Variants in ARHGEF37 observed in about 807,000 individuals in gnomAD.
ARHGEF37 encodes the protein Rho guanine nucleotide exchange factor (GEF) 37.
Under a neutral mutation model 71.1 loss-of-function variants are expected in ARHGEF37, and 55 were observed. The ratio of observed to expected loss-of-function variants is 0.77; its 90% confidence interval spans 0.62 to 0.97. The LOEUF (loss-of-function observed/expected upper bound fraction) is 0.97. Among genes scored for constraint, ARHGEF37 ranks in the 50% least tolerant of loss-of-function variants. The pLI is 0.00. For missense variants in ARHGEF37, 765 were observed against 836.8 expected, an observed-to-expected ratio of 0.91 and a Z score of 1.06; for synonymous variants, 327 against 350.6, an observed-to-expected ratio of 0.93 and a Z score of 0.75.
chr5:149,633,847 T>A lies in ARHGEF37; in HGVS notation c.*1656T>A, dbSNP rs1433390801. The A allele has an allele frequency of 6.6e-6, 1 of 152,210 alleles. No individual in the cohort carries two copies. Among genetic ancestry groups the A allele is most frequent in the East Asian group, 1.9e-4 (1 of 5,204 alleles). 9.4% of individuals were successfully genotyped at this position (152,210 alleles called of 1,614,324 possible). ...GGCCTGTTAAAGCATGAAGACTGCA[T>A]GACACAAGAGAAATGCAAGCCCTAC... On this transcript the variant is annotated 3_prime_UTR_variant, in exon 13 of 13. Coordinates refer to ENST00000333677, the MANE Select transcript of ARHGEF37 (RefSeq NM_001001669.3).
At chr5:149,566,059 T>C (rs1421389434) in intron 1 of ARHGEF37, among the ~76,000 whole-genome samples, 3 of 151,190 alleles carry the variant, frequency 2.0e-5, no homozygotes, top group African/African-American at 7.3e-5. Context: ...TTAGTTAGGC[T>C]CATCACGAAC....
intron 1 of ARHGEF37, among the ~76,000 whole-genome samples, chr5:149,552,596 G>T (rs1762693824): frequency 1.3e-5 from 2 of 152,190 alleles, no homozygotes; most frequent in South Asian, 4.1e-4. Context: ...CCAGCACTTC[G>T]GGAGGCCGGG....
At chr5:149,598,121 C>A (rs945770431) in intron 2 of ARHGEF37, among the ~76,000 whole-genome samples, 166 bp downstream of exon 2, 1 of 152,130 alleles carries the variant, frequency 6.6e-6, no homozygotes, top group East Asian at 1.9e-4. Flanking sequence ...TTTCCTTGGC[C>A]GTGCAACCTC....
Position 149,568,669 on chromosome 5 carries a change from G to A in ARHGEF37, c.-12+16546G>A, listed in dbSNP as rs183678078. ...CTACCAAAAATACAAAAATTAGCTGGGCATGGCAGCATGTGCCTATAATCT... is the reference window on the plus strand; with the variant it reads ...CTACCAAAAATACAAAAATTAGCTGAGCATGGCAGCATGTGCCTATAATCT... On this transcript the variant is annotated intron_variant, in intron 1 of 2. Coordinates refer to the ARHGEF37 transcript ENST00000505810. Among the ~76,000 whole-genome samples the A allele has an allele frequency of 3.2e-3, 487 of 152,022 alleles. 1 individual carries two copies. Among genetic ancestry groups the A allele is most frequent in the Non-Finnish European group, 5.2e-3 (351 of 67,980 alleles).
chr5:149,579,290 C>T (rs923364710), upstream of ARHGEF37, among the ~76,000 whole-genome samples: 7 of 152,188 alleles, frequency 4.6e-5, no homozygotes, highest in Non-Finnish European at 8.8e-5. Context: ...AAGACCCTCA[C>T]CTGGAAACAA....
intron 1 of ARHGEF37, among the ~76,000 whole-genome samples, chr5:149,559,844 T>A (rs1010490018): frequency 3.9e-5 from 6 of 152,218 alleles, no homozygotes; most frequent in Non-Finnish European, 7.3e-5. Flanking sequence ...CTCCCCCCAA[T>A]TTCAAAATCT....
chr5:149,556,210 T>A, intron 1 of ARHGEF37, among the ~76,000 whole-genome samples: 1 of 152,036 alleles, frequency 6.6e-6, no homozygotes. Context: ...TTATTTATTT[T>A]TGAGATGGAG....
At position 149,597,924 on chromosome 5, in the gene ARHGEF37, G is replaced by A; in HGVS notation, c.155G>A (p.Cys52Tyr). Residue 52 changes from cysteine (C) to tyrosine (Y), a missense_variant, in exon 2 of 13, where the codon TGT becomes TAT. Around this residue, in one of 5 missense-constraint regions of ARHGEF37, gnomAD observed 201 missense variants for 217.5 expected, o/e 0.92. Transcript: ENST00000333677. ...TCCTACTTGCACATGCTCCAGCTCT[G>A]TGCCTCTGACATCAGGAGCCGCCTC... The part of the protein sequence containing the change: ...EVSYLHMLQL[C>Y]ASDIRSRLQQ... 2 of 1,601,888 alleles carry A rather than the reference G, an allele frequency of 1.2e-6. No homozygotes were observed. The highest frequency in any genetic ancestry group is 1.7e-6 in the Non-Finnish European group (2 of 1,174,730).
chr5:149,580,004 G>A (rs535611266), upstream of ARHGEF37, among the ~76,000 whole-genome samples: 4 of 152,264 alleles, frequency 2.6e-5, no homozygotes, highest in African/African-American at 9.6e-5. Flanking sequence ...ATACAGGTTA[G>A]GTCTAATCCA....
At chr5:149,602,970 T>A (rs1763800900) in intron 3 of ARHGEF37, among the ~76,000 whole-genome samples, 1 of 152,140 alleles carries the variant, frequency 6.6e-6, no homozygotes, top group Non-Finnish European at 1.5e-5. Flanking sequence ...TCTCGCTCTG[T>A]CACCCAGGCT....
At chr5:149,599,450 T>TTTATTTATTTATTTATTTAC (rs1267049568) in intron 2 of ARHGEF37, among the ~76,000 whole-genome samples, 1 of 152,064 alleles carries the variant, frequency 6.6e-6, no homozygotes, top group Non-Finnish European at 1.5e-5. Context: ...TATTTATTTA[T>TTTATTTATTTATTTATTTAC]TTATTTACAG....
intron 1 of ARHGEF37, among the ~76,000 whole-genome samples, chr5:149,556,979 T>G (rs1238682073): frequency 6.6e-6 from 1 of 152,210 alleles, no homozygotes; most frequent in Admixed American, 6.5e-5. Context: ...GCCATTTCTG[T>G]CCCTTTCTTT....
Position 149,628,134 on chromosome 5 carries a change from C to T in ARHGEF37, c.1661-675C>T, listed in dbSNP as rs191110285. ...CACAGAACGGGTATTAAGCAAGGCCCCCGAGGCCAAGAGGACTGGATTTGG... is the reference window on the plus strand; with the variant it reads ...CACAGAACGGGTATTAAGCAAGGCCTCCGAGGCCAAGAGGACTGGATTTGG... On this transcript the variant is annotated intron_variant, in intron 11 of 12. Transcript: ENST00000333677. 9.3e-3 allele frequency among the ~76,000 whole-genome samples: 1,415 copies of T among 152,264 alleles called. 8 individuals carry two copies. The highest frequency in any genetic ancestry group is 0.015 in the Non-Finnish European group (1,035 of 68,024).
At chr5:149,620,223 T>C in intron 7 of ARHGEF37, 131 bp from the exon 8 acceptor site, 1 of 583,388 alleles carries the variant, frequency 1.7e-6, no homozygotes, top group Non-Finnish European at 3.0e-6. Context: ...TAGAATCAGC[T>C]GTGTGTGTCC....
intron 1 of ARHGEF37, among the ~76,000 whole-genome samples, chr5:149,560,397 A>G (rs2113232194): frequency 6.6e-6 from 1 of 152,308 alleles, no homozygotes; most frequent in African/African-American, 2.4e-5. Flanking sequence ...TACAGGCGTG[A>G]GCCACCACAC....
chr5:149,618,903 T>G (rs1270433595), intron 6 of ARHGEF37, 35 bp from the exon 7 acceptor site: 18 of 1,544,610 alleles, frequency 1.2e-5, no homozygotes, highest in Non-Finnish European at 1.6e-5. Context: ...TGCCCCCATG[T>G]GGATATTCTC....
chr5:149,599,770 T>C (rs906239148), intron 2 of ARHGEF37, among the ~76,000 whole-genome samples: 2 of 152,218 alleles, frequency 1.3e-5, no homozygotes, highest in Non-Finnish European at 2.9e-5. Context: ...AGGGCAAATA[T>C]TTTGTTAAGT....
At chr5:149,576,519 A>C (rs1483981743), upstream of ARHGEF37, among the ~76,000 whole-genome samples, 1 of 152,216 alleles carries the variant, frequency 6.6e-6, no homozygotes, top group East Asian at 1.9e-4. Flanking sequence ...AAAAATTATT[A>C]TACATTAGTA....
At chr5:149,580,290 A>G (rs550378312), upstream of ARHGEF37, among the ~76,000 whole-genome samples, 1 of 151,088 alleles carries the variant, frequency 6.6e-6, no homozygotes, top group South Asian at 2.1e-4. Context: ...CGATCTCTTG[A>G]CCTCGTGATC....
Sources: allele counts gnomAD v4.1 joint callset (sites outside exome capture counted in the v4.1 genomes callset), GRCh38; gene constraint gnomAD v4.1.1; regional missense constraint gnomAD v4.1.1; transcripts MANE v1.5; gene names NCBI Gene and HGNC (gene_info 2026-07-23, HGNC 2026-07-21).